F13A1: variants seen among roughly 807,000 people sequenced by gnomAD.
F13A1 encodes the protein FSF, A subunit.
Under a neutral mutation model 80.1 loss-of-function variants are expected in F13A1, and 47 were observed. The ratio of observed to expected loss-of-function variants is 0.59; its 90% CI spans 0.46 to 0.75. The LOEUF is 0.75. F13A1 is among the 30% of genes least tolerant of loss of function. The pLI, the probability that F13A1 is intolerant of heterozygous loss-of-function variation, is 0.00. For synonymous variants in F13A1, 349 were observed against 344.9 expected (o/e 1.01, Z -0.13); for missense variants, 817 against 930.4 (o/e 0.88, Z 1.59).
intron 10 of F13A1, among the ~76,000 whole-genome samples, chr6:6,195,557 T>C (rs889409066): frequency 6.6e-6 from 1 of 152,238 alleles, no homozygotes; most frequent in Non-Finnish European, 1.5e-5. Flanking sequence ...AAGCTAATGT[T>C]AGTAAAGCAT....
intron 10 of F13A1, among the ~76,000 whole-genome samples, chr6:6,184,349 G>A (rs1054848102): frequency 4.6e-5 from 7 of 152,214 alleles, no homozygotes; most frequent in African/African-American, 9.6e-5. Flanking sequence ...ACCACCCTGC[G>A]GGAGCATGAG....
intron 8 of F13A1, among the ~76,000 whole-genome samples, chr6:6,216,294 A>C (rs1561657878): frequency 1.3e-5 from 2 of 151,932 alleles, no homozygotes; most frequent in African/African-American, 4.8e-5. Context: ...AGGCTACAGT[A>C]ACCAAAACAG....
chr6:6,176,744 A>G (rs1469293553), intron 11 of F13A1, among the ~76,000 whole-genome samples: 2 of 152,220 alleles, frequency 1.3e-5, no homozygotes, highest in African/African-American at 4.8e-5. Context: ...AACATTAATG[A>G]TGATCACTTT....
chr6:6,279,848 A>G (rs572927068), intron 3 of F13A1, among the ~76,000 whole-genome samples: 2 of 152,360 alleles, frequency 1.3e-5, no homozygotes, highest in South Asian at 4.1e-4. Flanking sequence ...GAAAAAGTTT[A>G]GCTGAATGTC....
At chr6:6,149,196 G>A (rs956474871) in intron 14 of F13A1, among the ~76,000 whole-genome samples, 1 of 152,282 alleles carries the variant, frequency 6.6e-6, no homozygotes, top group Admixed American at 6.5e-5. Context: ...TTACAAAAGA[G>A]CTAGAAGACA....
intron 4 of F13A1, among the ~76,000 whole-genome samples, chr6:6,253,211 G>T (rs1312298405): frequency 1.4e-5 from 2 of 143,826 alleles, no homozygotes; most frequent in Non-Finnish European, 3.0e-5. Flanking sequence ...TGTTGAAAAA[G>T]AAGAAAGATT....
At chr6:6,164,282 G>A (rs1760626863) in intron 13 of F13A1, among the ~76,000 whole-genome samples, 1 of 152,130 alleles carries the variant, frequency 6.6e-6, no homozygotes, top group African/African-American at 2.4e-5. Flanking sequence ...GGAGCTAAAT[G>A]AGGAGAACTT....
At chr6:6,255,068 C>T (rs1262508552) in intron 4 of F13A1, among the ~76,000 whole-genome samples, 1 of 152,052 alleles carries the variant, frequency 6.6e-6, no homozygotes, top group African/African-American at 2.4e-5. Context: ...TTTAAGTCTC[C>T]CTGAACCCTT....
chr6:6,175,050 G>T (rs1760857899), intron 11 of F13A1, among the ~76,000 whole-genome samples, 183 bp from the exon 12 acceptor site: 1 of 152,172 alleles, frequency 6.6e-6, no homozygotes, highest in South Asian at 2.1e-4. Flanking sequence ...CAGATTGCCA[G>T]ACAGTCAGTG....
Position 6,219,277 on chromosome 6 carries a change from C to A in F13A1, c.1112+2756G>T, listed in dbSNP as rs146808440. 2.0e-3 allele frequency among the ~76,000 whole-genome samples: 301 copies of A among 152,062 alleles called. No individual in the cohort carries two copies. In the Middle Eastern group the frequency reaches 0.031, roughly 15 times the overall value. ...GACCTCACAGAGGTCAGCTGATGCC[C>A]AGCAAATCATTCCCACCCCCACCTC... On this transcript the variant is annotated intron_variant, in intron 8 of 14. Transcript: ENST00000264870.
intron 3 of F13A1, among the ~76,000 whole-genome samples, chr6:6,299,868 A>G (rs1478304640): frequency 6.8e-6 from 1 of 147,048 alleles, no homozygotes; most frequent in Non-Finnish European, 1.5e-5. Flanking sequence ...TTTTTTCCCC[A>G]TCTTTGTGGT....
intron 10 of F13A1, among the ~76,000 whole-genome samples, chr6:6,190,630 T>G (rs1036803542): frequency 6.6e-6 from 1 of 152,114 alleles, no homozygotes; most frequent in African/African-American, 2.4e-5. Context: ...TCTTCAAAGC[T>G]GTCAGACAGG....
chr6:6,264,253 C>A (rs545637120), intron 4 of F13A1, among the ~76,000 whole-genome samples: 1 of 152,272 alleles, frequency 6.6e-6, no homozygotes, highest in East Asian at 1.9e-4. Context: ...ACACATATCC[C>A]ATTTACACAC....
At chr6:6,306,511 T>C (rs527932218) in intron 2 of F13A1, among the ~76,000 whole-genome samples, 1 of 152,380 alleles carries the variant, frequency 6.6e-6, no homozygotes, top group Admixed American at 6.5e-5. Flanking sequence ...AAGTCAGCTC[T>C]CTTCCTGCCC....
At chr6:6,190,967 G>A (rs1254661363) in intron 10 of F13A1, among the ~76,000 whole-genome samples, 1 of 152,170 alleles carries the variant, frequency 6.6e-6, no homozygotes, top group Non-Finnish European at 1.5e-5. Flanking sequence ...GCAGTATTTG[G>A]GTGTGAGTGA....
Position 6,190,383 on chromosome 6 carries a change from G to A in F13A1, c.1305+5414C>T, listed in dbSNP as rs1466584642. On this transcript the variant is annotated intron_variant, in intron 10 of 14. Coordinates refer to ENST00000264870, the MANE Select transcript of F13A1 (RefSeq NM_000129.4). ...TCTACTTTTGGTCTTTGATGATGGTGATGTACAGATGGGTTTTTGGTGTGG... is the reference window on the plus strand; with the variant it reads ...TCTACTTTTGGTCTTTGATGATGGTAATGTACAGATGGGTTTTTGGTGTGG... Among the ~76,000 whole-genome samples the A allele has an allele frequency of 2.6e-5, 4 of 152,066 alleles. No homozygotes were observed. The East Asian group carries it at 7.7e-4, about 29-fold the overall frequency.
At chr6:6,259,349 T>A (rs3863221) in intron 4 of F13A1, among the ~76,000 whole-genome samples, 109,243 of 152,176 alleles carry the variant, frequency 0.72, 40,489 homozygotes, top group African/African-American at 0.92. Context: ...CAAAGCAAAT[T>A]GGCTAAGGAT....
chr6:6,224,784 G>A lies in F13A1; in HGVS notation c.875C>T (p.Ala292Val). The A allele has an allele frequency of 6.2e-7, 1 of 1,614,108 alleles. No homozygotes were observed. Among genetic ancestry groups the A allele is most frequent in the Non-Finnish European group, 8.5e-7 (1 of 1,179,986 alleles). ...NIYAYGVPPS[A>V]WTGSVDILLE... ...TAGAATGTCAACGCTTCCAGTCCAG[G>A]CCGATGGGGGGACGCCATAGGCATA... The change falls in exon 7 of 15, where the codon GCC becomes GTC. Residue 292 changes from alanine (A) to valine (V), a missense_variant. By Grantham distance (64) the Ala-to-Val change is moderately conservative. Transcript: ENST00000264870.
chr6:6,197,403 G>A, intron 8 of F13A1, 77 bp from the exon 9 acceptor site: 3 of 1,381,328 alleles, frequency 2.2e-6, no homozygotes, highest in Non-Finnish European at 3.1e-6. Flanking sequence ...GTGACGGCCA[G>A]GCACAGTGGC....
Sources: gnomAD v4.1 joint callset for allele counts (sites outside exome capture counted in the v4.1 genomes callset) on GRCh38, gnomAD v4.1.1 for gene constraint, MANE v1.5 for transcripts, NCBI Gene and HGNC (gene_info 2026-07-23, HGNC 2026-07-21) for gene names.